Variants in TPD52 observed in about 807,000 individuals in gnomAD.
The protein encoded by TPD52 is tumor protein D52.
A neutral mutation model predicts 31.3 loss-of-function variants in TPD52; 17 were observed. The observed-to-expected ratio is 0.54, with a 90% CI of 0.37 to 0.82. The LOEUF (loss-of-function observed/expected upper bound fraction) is 0.82, where lower values mean the gene tolerates loss of function less well. Among genes scored for constraint, TPD52 ranks in the 40% least tolerant of loss-of-function variants. TPD52 has a pLI of 0.00. For synonymous variants in TPD52, 83 were observed against 89.6 expected (o/e 0.93, Z 0.42); for missense variants, 212 against 240.1 (o/e 0.88, Z 0.77).
intron 1 of TPD52, among the ~76,000 whole-genome samples, chr8:80,087,815 C>T (rs556702493): frequency 7.9e-5 from 12 of 152,164 alleles, no homozygotes; most frequent in Non-Finnish European, 1.6e-4. Context: ...GGCAGAGAGG[C>T]TGAGAGGTTA....
chr8:80,125,563 T>TAA (rs201640252), intron 1 of TPD52, among the ~76,000 whole-genome samples: 3 of 147,132 alleles, frequency 2.0e-5, no homozygotes, highest in African/African-American at 5.0e-5. Context: ...CCTTTTGATT[T>TAA]AAAAAAAAAA....
At chr8:80,034,607 C>T (rs1011994234), downstream of TPD52, 1 of 152,064 alleles carries the variant, frequency 6.6e-6, no homozygotes, top group African/African-American at 2.4e-5. Context: ...AACAGATAGA[C>T]AATAGCATTT....
intron 1 of TPD52, among the ~76,000 whole-genome samples, chr8:80,114,857 C>T (rs1164316627): frequency 6.6e-6 from 1 of 152,162 alleles, no homozygotes; most frequent in Non-Finnish European, 1.5e-5. Context: ...AATTCAGTGG[C>T]GTGACAGGCT....
chr8:80,038,384 G>A, intron 7 of TPD52, 149 bp from the exon 8 acceptor site: 1 of 825,530 alleles, frequency 1.2e-6, no homozygotes, highest in Non-Finnish European at 1.8e-6. Context: ...ATTTAGTATT[G>A]TTGCAATGTT....
rs183483874 is a variant in TPD52 at position 80,120,806 on chromosome 8, G to A, written c.19+50619C>T. Among the ~76,000 whole-genome samples the A allele has an allele frequency of 1.6e-4, 24 of 152,180 alleles. No homozygotes were observed. In the East Asian group the frequency reaches 4.4e-3, roughly 28 times the overall value. ...TTTAAAACAAAAAATCAGACTGGAC[G>A]GGGTGGTTCAGGCCTGTAATCCCAG... On this transcript the variant is annotated intron_variant, in intron 1 of 7. Coordinates refer to ENST00000518937, the MANE Select transcript of TPD52 (RefSeq NM_001025253.3).
chr8:80,125,684 G>GTTT (rs1475786500), intron 1 of TPD52, among the ~76,000 whole-genome samples: 1 of 151,962 alleles, frequency 6.6e-6, no homozygotes, highest in Non-Finnish European at 1.5e-5. Context: ...CATTCATTAT[G>GTTT]TCAACCCAAT....
intron 5 of TPD52, among the ~76,000 whole-genome samples, chr8:80,046,650 T>C (rs1324683005): frequency 6.6e-6 from 1 of 152,186 alleles, no homozygotes. Context: ...AAGGCACATT[T>C]TGTTAAAAAT....
intron 2 of TPD52, among the ~76,000 whole-genome samples, chr8:80,059,340 A>G (rs7813992): frequency 0.53 from 80,961 of 151,810 alleles, 22,717 homozygotes; most frequent in East Asian, 0.7. Flanking sequence ...ATAAATGCCT[A>G]CATTAAAAAA....
At chr8:80,059,162 A>C (rs1812222205) in intron 2 of TPD52, among the ~76,000 whole-genome samples, 1 of 152,194 alleles carries the variant, frequency 6.6e-6, no homozygotes, top group African/African-American at 2.4e-5. Flanking sequence ...GAAAACCAGA[A>C]AATTCACAAC....
chr8:80,086,422 G>A (rs1240669432), intron 1 of TPD52, among the ~76,000 whole-genome samples: 4 of 151,882 alleles, frequency 2.6e-5, no homozygotes, highest in African/African-American at 9.7e-5. Context: ...TGACCGGAAG[G>A]TTCTAGTTTT....
rs923500418 is a variant in TPD52, at chr8:80,036,752, A to G, written c.*1364T>C. 1 of 152,674 alleles carries G rather than the reference A, an allele frequency of 6.5e-6. No individual in the cohort carries two copies. Among genetic ancestry groups the G allele is most frequent in the Non-Finnish European group, 1.5e-5 (1 of 68,026 alleles). The allele number at this position is 152,674 out of a possible 1,614,324, so 9.5% of individuals were successfully genotyped here. ...AAATTTGGTTTTCATAAGATAATTT[A>G]TACTGAAGTAAATCTAGCCATGCTT... On this transcript the variant is annotated 3_prime_UTR_variant, in exon 8 of 8. Coordinates refer to ENST00000518937, the MANE Select transcript of TPD52 (RefSeq NM_001025253.3).
chr8:80,169,591 T>C (rs1811943317), intron 1 of TPD52, among the ~76,000 whole-genome samples: 1 of 152,236 alleles, frequency 6.6e-6, no homozygotes, highest in Non-Finnish European at 1.5e-5. Context: ...TCCACTCACG[T>C]AAGTAAAACA....
At chr8:80,133,544 C>T (rs2131096353) in intron 1 of TPD52, among the ~76,000 whole-genome samples, 1 of 152,142 alleles carries the variant, frequency 6.6e-6, no homozygotes, top group East Asian at 1.9e-4. Context: ...GGCTTAAAAC[C>T]AATTACAAAC....
intron 6 of TPD52, among the ~76,000 whole-genome samples, chr8:80,043,419 T>G (rs749236231): frequency 2.6e-5 from 4 of 152,020 alleles, no homozygotes; most frequent in Non-Finnish European, 4.4e-5. Context: ...ACTACCAAGA[T>G]GAAAAATGCA....
At chr8:80,108,450 C>A (rs1181477645) in intron 1 of TPD52, among the ~76,000 whole-genome samples, 1 of 151,836 alleles carries the variant, frequency 6.6e-6, no homozygotes, top group Non-Finnish European at 1.5e-5. Context: ...TATAATGAAA[C>A]CTCATTAGAA....
chr8:80,088,461 A>T (rs1815991888), intron 1 of TPD52, among the ~76,000 whole-genome samples: 1 of 152,208 alleles, frequency 6.6e-6, no homozygotes, highest in Non-Finnish European at 1.5e-5. Context: ...AAATGAAGGA[A>T]GCCACCCTAC....
intron 1 of TPD52, among the ~76,000 whole-genome samples, chr8:80,130,539 A>T (rs1264814170): frequency 6.6e-6 from 1 of 152,204 alleles, no homozygotes; most frequent in Non-Finnish European, 1.5e-5. Context: ...CTCCACCCAG[A>T]GCACTCTTCT....
chr8:80,145,217 C>G (rs1397463963), intron 1 of TPD52, among the ~76,000 whole-genome samples: 1 of 152,192 alleles, frequency 6.6e-6, no homozygotes. Context: ...GATTTCTTTG[C>G]TTCACCCTGC....
chr8:80,032,226 T>TGGTAGAGGATCAGAAGCATCAAATGAGAG (rs1378455357), downstream of TPD52, among the ~76,000 whole-genome samples: 3 of 151,664 alleles, frequency 2.0e-5, no homozygotes, highest in Non-Finnish European at 4.4e-5. Flanking sequence ...GTTCTGTCTT[T>TGGTAGAGGATCAGAAGCATCAAATGAGAG]GGTAGAGGAT....
Sources: gnomAD v4.1 joint callset for allele counts (sites outside exome capture counted in the v4.1 genomes callset) on GRCh38, gnomAD v4.1.1 for gene constraint, MANE v1.5 for transcripts, NCBI Gene and HGNC (gene_info 2026-07-23, HGNC 2026-07-21) for gene names.